The following NBEAL2 variants were observed in gnomAD, a reference collection of about 807,000 sequenced individuals.
NBEAL2 encodes the protein neurobeachin like 2.
In NBEAL2, 160 loss-of-function variants were observed where a neutral mutation model predicts 299.8. That is an observed-to-expected ratio of 0.53 (90% CI 0.47 to 0.61). The LOEUF (loss-of-function observed/expected upper bound fraction) is 0.61, where lower values mean the gene tolerates loss of function less well. NBEAL2 is among the 20% of genes least tolerant of loss of function. The pLI, the probability that NBEAL2 is intolerant of heterozygous loss-of-function variation, is 0.00. For synonymous variants in NBEAL2, 1,493 were observed against 1,542.3 expected, an observed-to-expected ratio of 0.97 and a Z score of 0.75; for missense variants, 3,112 against 3,649.0, an observed-to-expected ratio of 0.85 and a Z score of 3.79.
In NBEAL2 at chr3:47,008,922, G is replaced by A; in HGVS notation, c.8028-67G>A. 3 of 1,584,142 alleles carry A rather than the reference G, an allele frequency of 1.9e-6. No individual in the cohort carries two copies. The South Asian group carries it at 3.3e-5, about 17-fold the overall frequency. On this transcript the variant is annotated intron_variant, in intron 52 of 53. Transcript: ENST00000450053. ...AGGACAGAGAGGGTATATGGGATAA[G>A]GGATATCTGCTGGTCGCAAAGCCCC...
chr3:47,004,484 CCT>C lies in NBEAL2; in HGVS notation c.6199-10_6199-9del, dbSNP rs1559616863. ...CCACCTGGCTCACATCTTGTCTGCC[CCT>C]GTCCCCAGAAATGGGTACAGCGTGA... On this transcript the variant is annotated splice_polypyrimidine_tract_variant and intron_variant, in intron 37 of 53. Coordinates refer to ENST00000450053, the MANE Select transcript of NBEAL2 (RefSeq NM_015175.3). This position sits in a 1 kb window ranked among gnomAD's most constrained non-coding sequence, Gnocchi z 5.0. The C allele has an allele frequency of 2.5e-6, 4 of 1,612,686 alleles. No homozygotes were observed. The highest frequency in any genetic ancestry group is 2.2e-5 in the South Asian group (2 of 91,048).
At position 46,996,323 on chromosome 3, in the gene NBEAL2, C is replaced by G. The variant is rs753126270; in HGVS notation, c.2204C>G (p.Thr735Ser). The change falls in exon 16 of 54, where the codon ACC (threonine) becomes AGC (serine). Residue 735 changes from threonine (T) to serine (S), a missense_variant. Transcript: ENST00000450053. ...GCTGGATACCGCACAACGACCACCA[C>G]CACAGGGCTGCCCACACCACCAGTC... is the stretch of plus-strand genomic sequence containing the variant. ...GSAGYRTTTTTTGLPTPPVPA... is the reference protein window; with the variant it reads ...GSAGYRTTTTSTGLPTPPVPA... 1 of 1,611,486 alleles carries G rather than the reference C, an allele frequency of 6.2e-7. No homozygotes were observed. The highest frequency in any genetic ancestry group is 8.5e-7 in the Non-Finnish European group (1 of 1,179,866).
chr3:47,009,651 A>C lies in NBEAL2; in HGVS notation c.*331A>C. The C allele has an allele frequency of 3.7e-5, 12 of 327,054 alleles. No homozygotes were observed. Among genetic ancestry groups the C allele is most frequent in the East Asian group, 6.1e-5 (1 of 16,312 alleles). 20.3% of individuals were successfully genotyped at this position (327,054 alleles called of 1,614,324 possible). On this transcript the variant is annotated 3_prime_UTR_variant, in exon 54 of 54. Coordinates refer to ENST00000450053, the MANE Select transcript of NBEAL2 (RefSeq NM_015175.3). The stretch of plus-strand genomic sequence containing the variant: ...GGGCCGCCTGTGGCCTTAATTCCTA[A>C]CGGCGGCCCCGGTTCTCCCTTCTCG...
intron 48 of NBEAL2, 42 bp from the exon 49 acceptor site, chr3:47,007,774 G>A: frequency 6.2e-7 from 1 of 1,609,270 alleles, no homozygotes; most frequent in Non-Finnish European, 8.5e-7. Flanking sequence ...CAGGGCGGAT[G>A]TGACTCCTCC....
At chr3:46,990,419 T>C (rs1033420170) in intron 6 of NBEAL2, among the ~76,000 whole-genome samples, 1 of 152,220 alleles carries the variant, frequency 6.6e-6, no homozygotes, top group Non-Finnish European at 1.5e-5. Context: ...TTCTCTCCAC[T>C]TGCCCTGCTG....
rs1252416075 is a variant in NBEAL2, at chr3:47,009,239, G to T, written c.8184G>T (p.Ala2728=). The T allele has an allele frequency of 6.9e-6, 11 of 1,600,498 alleles. No individual in the cohort carries two copies. The highest frequency in any genetic ancestry group is 9.4e-6 in the Non-Finnish European group (11 of 1,175,062). The part of the protein sequence containing the change: ...QPSEVRSSQF[A]RKLWRSSRRI... Reference sequence around the variant, plus strand: ...ACCAGGTGCGCAGCAGCCAGTTCGCGCGGAAGCTGTGGCGGTCCTCGCGGC... The same window carrying T: ...ACCAGGTGCGCAGCAGCCAGTTCGCTCGGAAGCTGTGGCGGTCCTCGCGGC... Residue 2728 remains alanine, a synonymous_variant, in exon 54 of 54, where the codon GCG becomes GCT. Transcript: ENST00000450053.
chr3:47,007,778 C>G (rs1233393637), intron 48 of NBEAL2, 38 bp from the exon 49 acceptor site: 1 of 1,608,876 alleles, frequency 6.2e-7, no homozygotes, highest in African/African-American at 1.3e-5. Context: ...GCGGATGTGA[C>G]TCCTCCGTTC....
chr3:46,996,431 G>A lies in NBEAL2; in HGVS notation c.2312G>A (p.Gly771Glu). The change falls in exon 16 of 54, where the codon GGG becomes GAG. Residue 771 changes from glycine (G) to glutamate (E), a missense_variant. By Grantham distance (98) the Gly-to-Glu change is moderately conservative. Transcript: ENST00000450053. Reference sequence around the variant, plus strand: ...TCCACAGGGCTTGGCTGGGGGTCCGGGCTGGTGGCCCCCCTGCAGGAGGGC... The same window carrying A: ...TCCACAGGGCTTGGCTGGGGGTCCGAGCTGGTGGCCCCCCTGCAGGAGGGC... ...PASTGLGWGS[G>E]LVAPLQEGSI... 1 of 1,609,506 alleles carries A rather than the reference G, an allele frequency of 6.2e-7. No homozygotes were observed. The highest frequency in any genetic ancestry group is 8.5e-7 in the Non-Finnish European group (1 of 1,178,168).
At position 46,989,185 on chromosome 3, in the gene NBEAL2, TG is replaced by T. The variant is rs748427481; in HGVS notation, c.351+25del. 6.2e-7 allele frequency: 1 copy of T among 1,613,594 alleles called. No individual in the cohort carries two copies. The highest frequency in any genetic ancestry group is 1.3e-5 in the African/African-American group (1 of 75,008). On this transcript the variant is annotated intron_variant, in intron 4 of 53. Transcript: ENST00000450053. This position sits in a 1 kb window ranked among gnomAD's most constrained non-coding sequence, Gnocchi z 5.5. ...GGCGGAGGTGAAGTGGCCTCTACCT[TG>T]GGGGGCAGAGGGTGTATGCAGGGAG...
rs1411348381 is a variant in NBEAL2 at position 46,999,730 on chromosome 3, T to C, written c.3789+15T>C. The C allele has an allele frequency of 3.1e-6, 5 of 1,610,852 alleles. No homozygotes were observed. The highest frequency in any genetic ancestry group is 4.2e-6 in the Non-Finnish European group (5 of 1,178,624). On this transcript the variant is annotated intron_variant, in intron 26 of 53. Transcript: ENST00000450053. Reference sequence around the variant, plus strand: ...TCTGTCGCCAGGTGAGCATGAGAGGTAAAAGCTTTGGGGGAGGGGGAGGGT... The same window carrying C: ...TCTGTCGCCAGGTGAGCATGAGAGGCAAAAGCTTTGGGGGAGGGGGAGGGT...
At position 46,994,497 on chromosome 3, in the gene NBEAL2, G is replaced by A. The variant is rs1158737171; in HGVS notation, c.1240G>A (p.Val414Ile). 2 of 1,596,268 alleles carry A rather than the reference G, an allele frequency of 1.3e-6. No individual in the cohort carries two copies. The highest frequency in any genetic ancestry group is 2.7e-5 in the African/African-American group (2 of 74,668). The change falls in exon 12 of 54, where the codon GTT (valine) becomes ATT (isoleucine). Residue 414 changes from valine to isoleucine, a missense_variant. Val to Ile is a conservative substitution (Grantham distance 29). Around this residue, in one of 3 missense-constraint regions of NBEAL2, gnomAD observed 2,243 missense variants for 2,538.1 expected, o/e 0.88. Coordinates refer to ENST00000450053, the MANE Select transcript of NBEAL2 (RefSeq NM_015175.3). ...CATCGGCTACCCTCACCTGCAGGAG[G>A]TTCTGCAGAGCCATGGTCCCCCCAC... ...ERIGYPHLQE[V>I]LQSHGPPTHR...
chr3:47,005,041 C>T lies in NBEAL2; in HGVS notation c.6364C>T (p.Leu2122=). ...DLSNPAVFRD[L]SKPIGVVNPK... is the part of the protein sequence containing the mutation. ...CAGCAACCCAGCCGTCTTCCGGGACCTGTCTAAGCCCATCGGTGTGGTGAA... is the reference window on the plus strand; with the variant it reads ...CAGCAACCCAGCCGTCTTCCGGGACTTGTCTAAGCCCATCGGTGTGGTGAA... The change falls in exon 39 of 54, where the codon CTG becomes TTG. Residue 2122 remains leucine (L), a synonymous_variant. Transcript: ENST00000450053. 1.9e-6 allele frequency: 3 copies of T among 1,613,516 alleles called. No individual in the cohort carries two copies. The highest frequency in any genetic ancestry group is 2.5e-6 in the Non-Finnish European group (3 of 1,179,740).
chr3:47,002,318 AG>A, intron 31 of NBEAL2, 30 bp downstream of exon 31: 1 of 1,596,178 alleles, frequency 6.3e-7, no homozygotes, highest in Non-Finnish European at 8.6e-7. Context: ...CAGGAAGAGG[AG>A]TGGGGGCTGG....
chr3:46,997,227 G>A (rs1291558920), intron 18 of NBEAL2, 32 bp from the exon 19 acceptor site: 1 of 1,610,546 alleles, frequency 6.2e-7, no homozygotes, highest in Non-Finnish European at 8.5e-7. Context: ...CTGGCTGGAA[G>A]GTCCCCCTCA....
chr3:46,991,648 C>A lies in NBEAL2; in HGVS notation c.885C>A (p.Gly295=), dbSNP rs2036097630. Residue 295 remains glycine, a synonymous_variant, in exon 8 of 54, where the codon GGC becomes GGA. Transcript: ENST00000450053. The surrounding 1 kb of genome is among the most constrained non-coding windows in gnomAD (Gnocchi z 6.2). Reference sequence around the variant, plus strand: ...ACTGGCCAGCTGGTCTGAGCTCAGGCCCCGAAGAGGCCCTTGTCACCCTCC... The same window carrying A: ...ACTGGCCAGCTGGTCTGAGCTCAGGACCCGAAGAGGCCCTTGTCACCCTCC... ...NADWPAGLSS[G]PEEALVTLRV... 1 of 1,599,396 alleles carries A rather than the reference C, an allele frequency of 6.3e-7. No homozygotes were observed. Among genetic ancestry groups the A allele is most frequent in the Non-Finnish European group, 8.5e-7 (1 of 1,179,636 alleles).
intron 1 of NBEAL2, among the ~76,000 whole-genome samples, chr3:46,986,965 G>C (rs2035710311): frequency 6.6e-6 from 1 of 152,122 alleles, no homozygotes; most frequent in Non-Finnish European, 1.5e-5. Flanking sequence ...CAGCAGGAGA[G>C]GGTGGAGAGG....
Position 47,004,015 on chromosome 3 carries a change from A to ATGGCTGAGCTC in NBEAL2, c.5881+43_5882-48dup. The ATGGCTGAGCTC allele has an allele frequency of 6.2e-7, 1 of 1,606,962 alleles. No homozygotes were observed. The highest frequency in any genetic ancestry group is 8.5e-7 in the Non-Finnish European group (1 of 1,174,940). On this transcript the variant is annotated intron_variant, in intron 36 of 53. Transcript: ENST00000450053. This position sits in a 1 kb window ranked among gnomAD's most constrained non-coding sequence, Gnocchi z 5.0. ...GTGTGGTTTAGGAGGATGGCAGGGA[A>ATGGCTGAGCTC]TGGCTGAGCTCTGGGTGGGGCTGGG...
intron 9 of NBEAL2, 128 bp downstream of exon 9, chr3:46,992,074 G>A: frequency 1.2e-6 from 1 of 864,028 alleles, no homozygotes; most frequent in Non-Finnish European, 1.9e-6. Context: ...TGGTGGGATG[G>A]CTTGCAGTTC....
In NBEAL2 at chr3:47,007,329, ACCC is replaced by A; in HGVS notation, c.7315_7317del (p.Pro2439del). 6.2e-7 allele frequency: 1 copy of A among 1,608,280 alleles called. No individual in the cohort carries two copies. Among genetic ancestry groups the A allele is most frequent in the Non-Finnish European group, 8.5e-7 (1 of 1,177,698 alleles). The stretch of plus-strand genomic sequence containing the variant: ...AGCAACTACTTCAGCTTCAGCAAAG[ACCC>A]CACCATGGGCAGCCACAAGTAGGAC... On this transcript the variant is annotated inframe_deletion, in exon 47 of 54. Coordinates refer to ENST00000450053, the MANE Select transcript of NBEAL2 (RefSeq NM_015175.3).
Sources: allele counts gnomAD v4.1 joint callset (sites outside exome capture counted in the v4.1 genomes callset), GRCh38; gene constraint gnomAD v4.1.1; regional missense constraint gnomAD v4.1.1; non-coding constraint Gnocchi (gnomAD v3.1); transcripts MANE v1.5; gene names NCBI Gene and HGNC (gene_info 2026-07-23, HGNC 2026-07-21).